Variants in PCDH15 observed in about 807,000 individuals in gnomAD.
PCDH15 encodes the protein protocadherin-15.
PCDH15 carries 129 observed loss-of-function variants against 178.5 expected under a neutral mutation model. That is an observed-to-expected ratio of 0.72 (90% CI 0.63 to 0.84). The LOEUF is 0.84. Ranked by LOEUF, PCDH15 falls within the 40% of genes least tolerant of loss-of-function variation. The probability of loss-of-function intolerance (pLI) is 0.00; values close to 1 mark genes in which losing one functional copy is unlikely to be tolerated. For synonymous variants in PCDH15, 800 were observed against 732.0 expected, an observed-to-expected ratio of 1.09 and a Z score of -1.50; for missense variants, 2,230 against 2,099.9, an observed-to-expected ratio of 1.06 and a Z score of -1.21.
At chr10:54,675,807 C>T (rs928023589) in intron 1 of PCDH15, among the ~76,000 whole-genome samples, 33 of 152,126 alleles carry the variant, frequency 2.2e-4, no homozygotes, top group Non-Finnish European at 4.1e-4. Context: ...GCTCCTATCC[C>T]AGCTTTTTAT....
intron 3 of PCDH15, among the ~76,000 whole-genome samples, chr10:54,437,060 G>A (rs1287721515): frequency 5.9e-5 from 9 of 152,134 alleles, no homozygotes; most frequent in Non-Finnish European, 1.2e-4. Context: ...TGTCACACCT[G>A]TCTAATTAGC....
chr10:55,032,001 G>C (rs1840622626), intron 2 of PCDH15, among the ~76,000 whole-genome samples: 1 of 152,216 alleles, frequency 6.6e-6, no homozygotes, highest in Admixed American at 6.5e-5. Context: ...GTAATGTATA[G>C]AGACTGGAAG....
intron 1 of PCDH15, among the ~76,000 whole-genome samples, chr10:54,709,201 A>G (rs1177215860): frequency 2.0e-5 from 3 of 152,142 alleles, no homozygotes; most frequent in Admixed American, 2.0e-4. Flanking sequence ...GCACTGAAAC[A>G]AGATCTTTGC....
chr10:54,902,691 G>A (rs1180874978), intron 2 of PCDH15, among the ~76,000 whole-genome samples: 2 of 152,110 alleles, frequency 1.3e-5, no homozygotes, highest in Admixed American at 6.6e-5. Context: ...ATTTCTGGGC[G>A]AAATATCAGT....
At chr10:54,847,884 C>T (rs1328287169) in intron 3 of PCDH15, among the ~76,000 whole-genome samples, 1 of 152,128 alleles carries the variant, frequency 6.6e-6, no homozygotes, top group Non-Finnish European at 1.5e-5. Flanking sequence ...TAACCCATGG[C>T]AGGCACAGGA....
At chr10:54,432,421 T>A (rs1025544477) in intron 3 of PCDH15, among the ~76,000 whole-genome samples, 3 of 151,730 alleles carry the variant, frequency 2.0e-5, no homozygotes, top group African/African-American at 7.3e-5. Flanking sequence ...CAGAAACAAA[T>A]CCACACATCT....
chr10:54,587,491 T>C (rs895903548), intron 2 of PCDH15, among the ~76,000 whole-genome samples: 1 of 150,978 alleles, frequency 6.6e-6, no homozygotes, highest in East Asian at 1.9e-4. Context: ...AGGATGAAGA[T>C]GTATCAGGCT....
intron 2 of PCDH15, among the ~76,000 whole-genome samples, chr10:55,144,367 A>G (rs1024056840): frequency 2.0e-5 from 3 of 152,110 alleles, no homozygotes; most frequent in African/African-American, 7.2e-5. Flanking sequence ...GCATGGAAGC[A>G]ATATACAATT....
At chr10:54,619,070 T>C (rs2093276175) in intron 2 of PCDH15, 1 of 152,040 alleles carries the variant, frequency 6.6e-6, no homozygotes, top group South Asian at 2.1e-4. Context: ...GAAAGGAAAG[T>C]CAAACACTGA....
At chr10:54,406,091 T>G (rs1952632672) in intron 3 of PCDH15, among the ~76,000 whole-genome samples, 1 of 152,114 alleles carries the variant, frequency 6.6e-6, no homozygotes, top group South Asian at 2.1e-4. Flanking sequence ...GGAACAGATC[T>G]GCGTACTAAA....
chr10:54,617,812 G>A (rs1381094002), intron 2 of PCDH15, among the ~76,000 whole-genome samples: 1 of 149,310 alleles, frequency 6.7e-6, no homozygotes, highest in Non-Finnish European at 1.5e-5. Flanking sequence ...TATAATCTCA[G>A]CTACTTGGGA....
chr10:54,225,708 T>C (rs564210931), intron 9 of PCDH15, among the ~76,000 whole-genome samples: 1 of 152,322 alleles, frequency 6.6e-6, no homozygotes, highest in Non-Finnish European at 1.5e-5. Context: ...TTTTTCTTTA[T>C]GATTGATTCA....
At chr10:54,656,120 G>A (rs1426885412) in intron 2 of PCDH15, 2 of 152,042 alleles carry the variant, frequency 1.3e-5, no homozygotes, top group Non-Finnish European at 2.9e-5. Flanking sequence ...CAAGGTTTTT[G>A]TTTATTTCTT....
intron 3 of PCDH15, among the ~76,000 whole-genome samples, chr10:54,496,279 C>T (rs1452578849): frequency 6.6e-6 from 1 of 152,022 alleles, no homozygotes; most frequent in African/African-American, 2.4e-5. Flanking sequence ...TGGAAACTTC[C>T]AGTTTCCTGG....
In PCDH15 at chr10:54,630,915, C is replaced by A. The variant is rs954111308; in HGVS notation, c.91+33257G>T. Among the ~76,000 whole-genome samples, 9 of 152,270 alleles carry A rather than the reference C, an allele frequency of 5.9e-5. 2 individuals carry two copies. Reference sequence around the variant, plus strand: ...CAAACAAATGACAAACCCTCTACATCACTAAGTATCAGAGAAATACAAATC... The same window carrying A: ...CAAACAAATGACAAACCCTCTACATAACTAAGTATCAGAGAAATACAAATC... On this transcript the variant is annotated intron_variant, in intron 2 of 37. Transcript: ENST00000644397.
intron 2 of PCDH15, among the ~76,000 whole-genome samples, chr10:54,581,687 C>T (rs746077482): frequency 6.6e-6 from 1 of 151,972 alleles, no homozygotes; most frequent in African/African-American, 2.4e-5. Context: ...AATAAGTCTA[C>T]AATATCCAAA....
intron 29 of PCDH15, among the ~76,000 whole-genome samples, chr10:53,837,535 T>G (rs956682289): frequency 3.9e-5 from 6 of 152,286 alleles, no homozygotes; most frequent in Admixed American, 1.3e-4. Context: ...AAATTATTAT[T>G]ATGATGATTT....
At chr10:54,026,369 C>T (rs2093093230) in intron 18 of PCDH15, among the ~76,000 whole-genome samples, 2 of 152,010 alleles carry the variant, frequency 1.3e-5, no homozygotes, top group African/African-American at 2.4e-5. Context: ...CTCACCTGGC[C>T]GGATAGGAGT....
intron 26 of PCDH15, among the ~76,000 whole-genome samples, chr10:53,900,955 T>C (rs750799926): frequency 4.6e-5 from 7 of 152,172 alleles, no homozygotes; most frequent in East Asian, 1.9e-4. Context: ...GTAACATAAG[T>C]GGTGATGTAA....
Sources: gnomAD v4.1 joint callset for allele counts (sites outside exome capture counted in the v4.1 genomes callset) on GRCh38, gnomAD v4.1.1 for gene constraint, MANE v1.5 for transcripts, NCBI Gene and HGNC (gene_info 2026-07-23, HGNC 2026-07-21) for gene names.